Variants in LDB2 observed in about 807,000 individuals in gnomAD.
The protein encoded by LDB2 is LIM domain binding 2.
A neutral mutation model predicts 44.3 loss-of-function variants in LDB2; 12 were observed. That is an observed-to-expected ratio of 0.27 (90% CI 0.17 to 0.44). The LOEUF is 0.44. Ranked by LOEUF, LDB2 falls within the 20% of genes least tolerant of loss-of-function variation. The pLI, the probability that LDB2 is intolerant of heterozygous loss-of-function variation, is 1.00. For missense variants in LDB2, 344 were observed against 473.5 expected (o/e 0.73, Z 2.54); for synonymous variants, 164 against 174.8 (o/e 0.94, Z 0.49).
rs147038191 is a variant in LDB2 at position 16,807,909 on chromosome 4, C to T, written c.133-48649G>A. 6.1e-3 allele frequency among the ~76,000 whole-genome samples: 922 copies of T among 152,232 alleles called. 3 individuals carry two copies. Among genetic ancestry groups the T allele is most frequent in the Non-Finnish European group, 9.4e-3 (637 of 68,014 alleles). On this transcript the variant is annotated intron_variant, in intron 1 of 7. Transcript: ENST00000304523. ...ACTTAGGAAGTGTATCTCTTACCAA[C>T]GGGGAATTTTCTGTTAGAATTTAAA...
At chr4:16,752,604 C>T (rs574178476) in intron 2 of LDB2, 28 of 286,448 alleles carry the variant, frequency 9.8e-5, no homozygotes, top group South Asian at 7.9e-4. Flanking sequence ...TTCTGTCATT[C>T]GTCCATTCAT....
intron 3 of LDB2, among the ~76,000 whole-genome samples, chr4:16,591,986 A>G (rs1222693824): frequency 6.6e-6 from 1 of 152,020 alleles, no homozygotes; most frequent in African/African-American, 2.4e-5. Context: ...GAGCTCTGAC[A>G]TTTTGTTTCT....
At chr4:16,844,557 T>G (rs939808966) in intron 1 of LDB2, among the ~76,000 whole-genome samples, 5 of 152,206 alleles carry the variant, frequency 3.3e-5, no homozygotes, top group Admixed American at 6.5e-5. Flanking sequence ...TAATTCTGCT[T>G]TTTGATGGGG....
chr4:16,891,467 C>A (rs1292882292), intron 1 of LDB2, among the ~76,000 whole-genome samples: 1 of 151,898 alleles, frequency 6.6e-6, no homozygotes, highest in Admixed American at 6.6e-5. Flanking sequence ...CGTGTGCCAC[C>A]ATGCCTGGTT....
chr4:16,831,763 C>T (rs1170924880), intron 1 of LDB2, among the ~76,000 whole-genome samples: 1 of 152,146 alleles, frequency 6.6e-6, no homozygotes, highest in Admixed American at 6.5e-5. Flanking sequence ...ACATGTCTCT[C>T]TGGAAACTAA....
intron 2 of LDB2, among the ~76,000 whole-genome samples, chr4:16,753,979 C>T (rs767350835): frequency 2.1e-4 from 32 of 152,214 alleles, no homozygotes; most frequent in Admixed American, 3.9e-4. Flanking sequence ...CAAACCCTTA[C>T]GTTTCAAGTA....
Position 16,846,652 on chromosome 4 carries a change from G to T in LDB2, c.132+51702C>A, listed in dbSNP as rs182662054. On this transcript the variant is annotated intron_variant, in intron 1 of 7. Coordinates refer to ENST00000304523, the MANE Select transcript of LDB2 (RefSeq NM_001290.5). ...TAAAAATACTGAAAAGCAACTACGG[G>T]TAAGCATTGCTAAAAGCAGGTAGGG... Among the ~76,000 whole-genome samples, 55 of 152,246 alleles carry T rather than the reference G, an allele frequency of 3.6e-4. 1 individual carries two copies. The highest frequency in any genetic ancestry group is 3.4e-3 in the Middle Eastern group (1 of 294).
intron 5 of LDB2, among the ~76,000 whole-genome samples, chr4:16,515,351 T>C (rs1186779444): frequency 6.6e-6 from 1 of 152,194 alleles, no homozygotes; most frequent in Non-Finnish European, 1.5e-5. Context: ...ACGGTGTCAA[T>C]AGAAGCCCAA....
chr4:16,507,004 C>T (rs1719728223), intron 7 of LDB2: 2 of 152,126 alleles, frequency 1.3e-5, no homozygotes, highest in African/African-American at 4.8e-5. Flanking sequence ...GTTGATTTAT[C>T]TAAATCAGGC....
intron 5 of LDB2, among the ~76,000 whole-genome samples, chr4:16,577,427 A>G (rs1325319426): frequency 6.6e-6 from 1 of 152,182 alleles, no homozygotes; most frequent in Non-Finnish European, 1.5e-5. Context: ...TTTCTATGCC[A>G]ACAGTGAACA....
chr4:16,559,485 G>A (rs926938302), intron 5 of LDB2, among the ~76,000 whole-genome samples: 13 of 152,152 alleles, frequency 8.5e-5, no homozygotes, highest in Non-Finnish European at 1.8e-4. Flanking sequence ...TTATATAATG[G>A]TAAAGGGATC....
chr4:16,557,535 T>C (rs1165401997), intron 5 of LDB2, among the ~76,000 whole-genome samples: 1 of 152,210 alleles, frequency 6.6e-6, no homozygotes, highest in Non-Finnish European at 1.5e-5. Context: ...TGCCCAGGCT[T>C]GCTTAGGTAA....
At chr4:16,712,112 G>A (rs1756017964) in intron 2 of LDB2, among the ~76,000 whole-genome samples, 1 of 152,110 alleles carries the variant, frequency 6.6e-6, no homozygotes, top group Admixed American at 6.5e-5. Flanking sequence ...AGATCCTGAA[G>A]GAAATGAAAA....
At chr4:16,584,895 T>C (rs912336035) in intron 5 of LDB2, among the ~76,000 whole-genome samples, 3 of 152,200 alleles carry the variant, frequency 2.0e-5, no homozygotes, top group African/African-American at 7.2e-5. Context: ...TCCAAGATCT[T>C]GCTATAGGGT....
intron 1 of LDB2, among the ~76,000 whole-genome samples, chr4:16,891,344 A>C (rs4438755): frequency 7.7e-6 from 1 of 130,342 alleles, no homozygotes; most frequent in African/African-American, 2.9e-5. Flanking sequence ...ATGGAGTCTC[A>C]CTCTGTCGCC....
intron 1 of LDB2, among the ~76,000 whole-genome samples, chr4:16,818,723 C>T (rs921233443): frequency 1.3e-5 from 2 of 152,246 alleles, no homozygotes; most frequent in Non-Finnish European, 1.5e-5. Context: ...CAATGAAGCA[C>T]CTGGATTCAG....
intron 1 of LDB2, among the ~76,000 whole-genome samples, chr4:16,843,988 G>T (rs1786404243): frequency 6.6e-6 from 1 of 151,300 alleles, no homozygotes; most frequent in Non-Finnish European, 1.5e-5. Context: ...TGTGGTAGCT[G>T]ACACTGGTAA....
intron 2 of LDB2, among the ~76,000 whole-genome samples, chr4:16,752,903 G>T (rs567066093): frequency 6.6e-6 from 1 of 152,124 alleles, no homozygotes; most frequent in South Asian, 2.1e-4. Context: ...AAAGAAGGAG[G>T]AATGTTTAGG....
In LDB2 at chr4:16,686,227, G is replaced by A. The variant is rs146414142; in HGVS notation, c.235+72931C>T. Reference sequence around the variant, plus strand: ...AGCAATAGCCCAAATTCTCCCTTCCGTGTGACTATTTATCCCATACTAAGC... The same window carrying A: ...AGCAATAGCCCAAATTCTCCCTTCCATGTGACTATTTATCCCATACTAAGC... On this transcript the variant is annotated intron_variant, in intron 2 of 7. Transcript: ENST00000304523. 4.7e-3 allele frequency among the ~76,000 whole-genome samples: 712 copies of A among 152,224 alleles called. 6 individuals carry two copies. The highest frequency in any genetic ancestry group is 0.03 in the East Asian group (156 of 5,174).
Sources: gnomAD v4.1 joint callset for allele counts (sites outside exome capture counted in the v4.1 genomes callset) on GRCh38, gnomAD v4.1.1 for gene constraint, MANE v1.5 for transcripts, NCBI Gene and HGNC (gene_info 2026-07-23, HGNC 2026-07-21) for gene names.